The following SCAF8 variants were observed in gnomAD, a reference collection of about 807,000 sequenced individuals.
SCAF8 encodes SR-related CTD associated factor 8.
SCAF8 carries 23 observed loss-of-function variants against 140.5 expected under a neutral mutation model. The observed-to-expected ratio is 0.16, with a 90% CI of 0.12 to 0.23. The LOEUF is 0.23. SCAF8 is among the 10% of genes least tolerant of loss of function. The probability of loss-of-function intolerance (pLI) is 1.00; values close to 1 mark genes in which losing one functional copy is unlikely to be tolerated. For synonymous variants in SCAF8, 575 were observed against 528.9 expected, an observed-to-expected ratio of 1.09 and a Z score of -1.20; for missense variants, 1,397 against 1,555.7, an observed-to-expected ratio of 0.90 and a Z score of 1.72.
At chr6:154,746,898 A>C (rs1778713276) in intron 1 of SCAF8, among the ~76,000 whole-genome samples, 1 of 152,180 alleles carries the variant, frequency 6.6e-6, no homozygotes, top group Non-Finnish European at 1.5e-5. Flanking sequence ...AGATAAATTA[A>C]CTTTAATCAT....
chr6:154,752,463 C>A (rs188972497), intron 1 of SCAF8, among the ~76,000 whole-genome samples: 158 of 151,756 alleles, frequency 1.0e-3, no homozygotes, highest in African/African-American at 3.7e-3. Flanking sequence ...AACTTTTATT[C>A]TTCTACTAGG....
At chr6:154,748,976 C>T (rs1778774454) in intron 1 of SCAF8, among the ~76,000 whole-genome samples, 1 of 152,164 alleles carries the variant, frequency 6.6e-6, no homozygotes, top group South Asian at 2.1e-4. Context: ...GGAGTTTTCT[C>T]TGTCGCCCAG....
intron 1 of SCAF8, chr6:154,741,984 A>G (rs890958893): frequency 9.8e-5 from 151 of 1,533,740 alleles, no homozygotes; most frequent in Non-Finnish European, 1.2e-4. Context: ...GCTTGTACAG[A>G]CTGCTTTTCC....
intron 6 of SCAF8, among the ~76,000 whole-genome samples, chr6:154,798,700 C>T (rs934234534): frequency 6.6e-6 from 1 of 151,432 alleles, no homozygotes. Flanking sequence ...CTCAATACTT[C>T]AGGTAGCATG....
chr6:154,818,188 C>A (rs1199474047), intron 13 of SCAF8, among the ~76,000 whole-genome samples: 1 of 152,016 alleles, frequency 6.6e-6, no homozygotes, highest in Non-Finnish European at 1.5e-5. Flanking sequence ...TTTAATAGTT[C>A]TTTTTCTGTA....
intron 1 of SCAF8, among the ~76,000 whole-genome samples, chr6:154,740,669 G>A (rs866878545): frequency 7.1e-6 from 1 of 141,192 alleles, no homozygotes; most frequent in Non-Finnish European, 1.5e-5. Context: ...ATCGAGGCTC[G>A]AGGGCAGTGG....
chr6:154,772,480 A>G (rs1215598214), intron 1 of SCAF8, among the ~76,000 whole-genome samples: 2 of 152,176 alleles, frequency 1.3e-5, no homozygotes, highest in East Asian at 3.9e-4. Flanking sequence ...GCTTGAGCCC[A>G]GCAGTTCAAG....
chr6:154,814,881 G>C (rs996191629), intron 12 of SCAF8, among the ~76,000 whole-genome samples: 6 of 152,092 alleles, frequency 3.9e-5, no homozygotes, highest in African/African-American at 9.7e-5. Context: ...TTCTGATTTG[G>C]CCATTTTCCC....
intron 12 of SCAF8, among the ~76,000 whole-genome samples, chr6:154,813,854 C>T (rs922567887): frequency 2.0e-5 from 3 of 152,016 alleles, no homozygotes; most frequent in African/African-American, 7.2e-5. Flanking sequence ...GTTTTGAAGA[C>T]GAAGGACGGG....
chr6:154,771,168 C>G (rs780100040), intron 1 of SCAF8, among the ~76,000 whole-genome samples: 1 of 152,190 alleles, frequency 6.6e-6, no homozygotes, highest in Non-Finnish European at 1.5e-5. Flanking sequence ...AATAATCATA[C>G]AAGTAAACAT....
At chr6:154,806,972 G>A (rs1777936079) in intron 9 of SCAF8, among the ~76,000 whole-genome samples, 1 of 152,212 alleles carries the variant, frequency 6.6e-6, no homozygotes, top group Non-Finnish European at 1.5e-5. Flanking sequence ...ACTGCTAAGA[G>A]AGGCAGGAGG....
At chr6:154,795,212 A>AC (rs1777566213) in intron 6 of SCAF8, 73 bp downstream of exon 6, 10 of 1,288,284 alleles carry the variant, frequency 7.8e-6, no homozygotes, top group Non-Finnish European at 1.0e-5. Context: ...TTTGTAACAT[A>AC]CCACCTAGAG....
At position 154,795,005 on chromosome 6, in the gene SCAF8, A is replaced by T. The variant is rs748274943; in HGVS notation, c.476-4A>T. ...TTTGGGGGGTGTGATGTTCTTTTTA[A>T]AAGGAACTCCTGTGACACCTGTTAC... On this transcript the variant is annotated splice_polypyrimidine_tract_variant and splice_region_variant and intron_variant, in intron 5 of 19. Coordinates refer to ENST00000367178, the MANE Select transcript of SCAF8 (RefSeq NM_014892.5). 26 of 1,587,396 alleles carry T rather than the reference A, an allele frequency of 1.6e-5. No individual in the cohort carries two copies. In the Admixed American group the frequency reaches 3.4e-4, roughly 21 times the overall value.
chr6:154,755,733 C>G (rs1469805956), intron 1 of SCAF8, among the ~76,000 whole-genome samples: 2 of 152,106 alleles, frequency 1.3e-5, no homozygotes, highest in African/African-American at 2.4e-5. Context: ...TATAAAGATG[C>G]TGTGAAACGG....
intron 4 of SCAF8, among the ~76,000 whole-genome samples, chr6:154,790,584 C>T (rs932560013): frequency 7.2e-5 from 10 of 139,838 alleles, no homozygotes; most frequent in Non-Finnish European, 1.1e-4. Flanking sequence ...AATCTCGGCT[C>T]ACTGCAAGCT....
rs111485552 is a variant in SCAF8 at position 154,788,060 on chromosome 6, T to C, written c.321+38T>C. On this transcript the variant is annotated intron_variant, in intron 4 of 19. Transcript: ENST00000367178. ...TTTTTTTTTTTTGTTTTTTTAAAAG[T>C]AGATACAGTAGCCTCTTGGTCTTAA... is the stretch of plus-strand genomic sequence containing the variant. 830 of 1,515,814 alleles carry C rather than the reference T, an allele frequency of 5.5e-4. 7 individuals are homozygous for C. In the African/African-American group the frequency reaches 0.011, roughly 19 times the overall value. 93.9% of individuals were successfully genotyped at this position (1,515,814 alleles called of 1,614,324 possible).
chr6:154,746,758 T>A (rs1238232476), intron 1 of SCAF8, among the ~76,000 whole-genome samples: 3 of 152,232 alleles, frequency 2.0e-5, no homozygotes. Context: ...GTTAGTTTTC[T>A]CCCCCACTTA....
intron 1 of SCAF8, among the ~76,000 whole-genome samples, chr6:154,768,725 G>A (rs1776652806): frequency 6.6e-6 from 1 of 152,012 alleles, no homozygotes. Context: ...TTTTTAAATT[G>A]TCAAAAATCT....
In SCAF8 at chr6:154,792,879, G is replaced by A. The variant is rs141815531; in HGVS notation, c.378G>A (p.Glu126=). 4.7e-4 allele frequency: 766 copies of A among 1,612,824 alleles called. No homozygotes were observed. The highest frequency in any genetic ancestry group is 5.2e-4 in the Non-Finnish European group (619 of 1,179,068). ...LWQKNNVFKS[E]IIQPLLDMAA... The stretch of plus-strand genomic sequence containing the variant: ...AGAAGAATAATGTATTTAAGAGTGA[G>A]ATTATTCAGCCCCTTTTGGATATGG... Residue 126 remains glutamate (E), a synonymous_variant, in exon 5 of 20, where the codon GAG becomes GAA. Transcript: ENST00000367178.
Sources: gnomAD v4.1 joint callset for allele counts (sites outside exome capture counted in the v4.1 genomes callset) on GRCh38, gnomAD v4.1.1 for gene constraint, MANE v1.5 for transcripts, NCBI Gene and HGNC (gene_info 2026-07-23, HGNC 2026-07-21) for gene names.